The following ATE1 variants were observed in gnomAD, a reference collection of about 807,000 sequenced individuals.
The protein encoded by ATE1 is arginyl-tRNA--protein transferase 1.
Under a neutral mutation model 70.5 loss-of-function variants are expected in ATE1, and 36 were observed. That is an observed-to-expected ratio of 0.51 (90% CI 0.39 to 0.67). The LOEUF (loss-of-function observed/expected upper bound fraction) is 0.67, where lower values mean the gene tolerates loss of function less well. Among genes scored for constraint, ATE1 ranks in the 30% least tolerant of loss-of-function variants. ATE1 has a pLI of 0.00. For synonymous variants in ATE1, 232 were observed against 219.3 expected (o/e 1.06, Z -0.51); for missense variants, 593 against 629.5 (o/e 0.94, Z 0.62).
At chr10:121,815,732 G>A (rs1014915538) in intron 10 of ATE1, among the ~76,000 whole-genome samples, 7 of 152,186 alleles carry the variant, frequency 4.6e-5, no homozygotes, top group African/African-American at 1.7e-4. Context: ...GAAAGCAAGA[G>A]TCAGACTACC....
intron 3 of ATE1, among the ~76,000 whole-genome samples, chr10:121,919,220 C>A (rs1341355440): frequency 6.6e-6 from 1 of 152,096 alleles, no homozygotes; most frequent in Non-Finnish European, 1.5e-5. Context: ...CATTTAAGAG[C>A]TGTAACACTC....
intron 7 of ATE1, among the ~76,000 whole-genome samples, chr10:121,894,123 G>C (rs1299146792): frequency 7.5e-6 from 1 of 134,144 alleles, no homozygotes; most frequent in Non-Finnish European, 1.5e-5. Flanking sequence ...GGCAACAAGA[G>C]CGAAACTCCA....
At chr10:121,797,016 T>C (rs1401667699) in intron 10 of ATE1, among the ~76,000 whole-genome samples, 1 of 152,230 alleles carries the variant, frequency 6.6e-6, no homozygotes, top group Admixed American at 6.5e-5. Context: ...AAAATCATTT[T>C]GATAGCCAGA....
At chr10:121,825,201 A>T (rs1564871291) in intron 10 of ATE1, among the ~76,000 whole-genome samples, 1 of 152,224 alleles carries the variant, frequency 6.6e-6, no homozygotes, top group East Asian at 1.9e-4. Flanking sequence ...AATTATGGGA[A>T]ATAAAGTAAG....
intron 9 of ATE1, among the ~76,000 whole-genome samples, chr10:121,837,134 G>C (rs796400196): frequency 2.0e-4 from 31 of 152,230 alleles, no homozygotes; most frequent in African/African-American, 6.3e-4. Context: ...CATGCCCTAT[G>C]GTTCTCAAAG....
intron 8 of ATE1, among the ~76,000 whole-genome samples, chr10:121,848,335 G>C (rs1458849210): frequency 6.6e-6 from 1 of 150,834 alleles, no homozygotes; most frequent in Admixed American, 6.6e-5. Flanking sequence ...CTTATTTATC[G>C]GCTGGGTGTG....
chr10:121,838,784 A>G (rs1948522898), intron 9 of ATE1, among the ~76,000 whole-genome samples: 1 of 152,204 alleles, frequency 6.6e-6, no homozygotes, highest in African/African-American at 2.4e-5. Context: ...TGCCATGCTC[A>G]TGATCCCCAA....
intron 10 of ATE1, among the ~76,000 whole-genome samples, chr10:121,810,443 T>G (rs1947273339): frequency 6.6e-6 from 1 of 152,018 alleles, no homozygotes; most frequent in Non-Finnish European, 1.5e-5. Context: ...GCTAATTTTT[T>G]GTATTTTTAG....
chr10:121,871,958 A>G (rs2134034965), intron 7 of ATE1, among the ~76,000 whole-genome samples: 1 of 152,288 alleles, frequency 6.6e-6, no homozygotes, highest in East Asian at 1.9e-4. Context: ...AGCCCAACCT[A>G]AGACAATCTC....
In ATE1 at chr10:121,902,705, G is replaced by A. The variant is rs548696930; in HGVS notation, c.584-85C>T. The A allele has an allele frequency of 9.6e-5, 127 of 1,321,598 alleles. No homozygotes were observed. The East Asian group carries it at 3.1e-3, about 33-fold the overall frequency. The allele number at this position is 1,321,598 out of a possible 1,614,324, so 81.9% of individuals were successfully genotyped here. Reference sequence around the variant, plus strand: ...ATGTCTCAAAGATTCTACAGTGTAAGTCCAAAGAGTTTCAATGGTTAGGCT... The same window carrying A: ...ATGTCTCAAAGATTCTACAGTGTAAATCCAAAGAGTTTCAATGGTTAGGCT... On this transcript the variant is annotated intron_variant, in intron 5 of 11. Coordinates refer to ENST00000224652, the MANE Select transcript of ATE1 (RefSeq NM_001001976.3).
At chr10:121,913,596 C>CAGAA (rs55978401) in intron 4 of ATE1, among the ~76,000 whole-genome samples, 194 bp downstream of exon 4, 53,067 of 151,832 alleles carry the variant, frequency 0.35, 9,565 homozygotes, top group Middle Eastern at 0.45. Context: ...ACGCTAAACT[C>CAGAA]TTCTGATATA....
At chr10:121,927,140 G>A (rs1205889588) in intron 1 of ATE1, 2 of 985,362 alleles carry the variant, frequency 2.0e-6, no homozygotes, top group Non-Finnish European at 2.4e-6. Context: ...TTGTTTACCA[G>A]CAACAAATCT....
At chr10:121,918,354 T>C (rs1041802441) in intron 3 of ATE1, among the ~76,000 whole-genome samples, 2 of 149,902 alleles carry the variant, frequency 1.3e-5, no homozygotes, top group Admixed American at 6.6e-5. Flanking sequence ...AAAAAGATGA[T>C]GTATAATGAA....
chr10:121,918,427 A>G (rs1951746432), intron 3 of ATE1, among the ~76,000 whole-genome samples: 1 of 152,142 alleles, frequency 6.6e-6, no homozygotes, highest in Non-Finnish European at 1.5e-5. Flanking sequence ...TCACATAACT[A>G]CTTTATTTTG....
chr10:121,853,931 A>G (rs145714348), intron 8 of ATE1, among the ~76,000 whole-genome samples: 2 of 152,342 alleles, frequency 1.3e-5, no homozygotes, highest in Non-Finnish European at 2.9e-5. Flanking sequence ...AACCACTTTT[A>G]TAATGGCACG....
At chr10:121,863,131 A>G (rs1949533659) in intron 8 of ATE1, among the ~76,000 whole-genome samples, 2 of 151,708 alleles carry the variant, frequency 1.3e-5, no homozygotes, top group Non-Finnish European at 2.9e-5. Flanking sequence ...TTTTTATTTC[A>G]TGTTATCTTG....
chr10:121,843,975 T>G (rs1418161191), intron 8 of ATE1, among the ~76,000 whole-genome samples: 2 of 152,352 alleles, frequency 1.3e-5, no homozygotes, highest in East Asian at 3.9e-4. Context: ...TGAAAAACAT[T>G]GTTAAAATAA....
chr10:121,829,231 T>C (rs920836185), intron 10 of ATE1, among the ~76,000 whole-genome samples: 4 of 152,130 alleles, frequency 2.6e-5, no homozygotes, highest in Non-Finnish European at 5.9e-5. Flanking sequence ...GAGACCATCC[T>C]GGCCAACATA....
At chr10:121,791,048 A>G (rs547305139) in intron 10 of ATE1, among the ~76,000 whole-genome samples, 5 of 127,364 alleles carry the variant, frequency 3.9e-5, no homozygotes, top group African/African-American at 1.1e-4. Context: ...GTGTATATAT[A>G]TGTATACGTG....
Sources: allele counts gnomAD v4.1 joint callset (sites outside exome capture counted in the v4.1 genomes callset), GRCh38; gene constraint gnomAD v4.1.1; transcripts MANE v1.5; gene names NCBI Gene and HGNC (gene_info 2026-07-23, HGNC 2026-07-21).